The following SH3PXD2A variants were observed in gnomAD, a reference collection of about 807,000 sequenced individuals.
SH3PXD2A encodes the protein SH3 and PX domains 2A.
Under a neutral mutation model 115.2 loss-of-function variants are expected in SH3PXD2A, and 32 were observed. The ratio of observed to expected loss-of-function variants is 0.28; its 90% CI spans 0.21 to 0.37. SH3PXD2A has a LOEUF of 0.37. Ranked by LOEUF, SH3PXD2A falls within the 10% of genes least tolerant of loss-of-function variation. The pLI is 1.00. For missense variants in SH3PXD2A, 1,328 were observed against 1,498.7 expected (o/e 0.89, Z 1.88); for synonymous variants, 610 against 629.1 (o/e 0.97, Z 0.45).
At chr10:103,832,817 A>C (rs2039495620) in intron 1 of SH3PXD2A, among the ~76,000 whole-genome samples, 2 of 152,178 alleles carry the variant, frequency 1.3e-5, no homozygotes, top group Non-Finnish European at 2.9e-5. Context: ...GGTGCAGCAC[A>C]CCAACATGGT....
chr10:103,675,361 A>T (rs1391884593), intron 6 of SH3PXD2A, among the ~76,000 whole-genome samples: 1 of 152,238 alleles, frequency 6.6e-6, no homozygotes, highest in Non-Finnish European at 1.5e-5. Context: ...GTTTGGGGCC[A>T]CTGAGCTAAA....
intron 6 of SH3PXD2A, among the ~76,000 whole-genome samples, chr10:103,671,034 C>G (rs1181822721): frequency 6.6e-6 from 1 of 152,280 alleles, no homozygotes; most frequent in Non-Finnish European, 1.5e-5. Flanking sequence ...CTCCATGCCA[C>G]TCTCCACTTC....
At chr10:103,802,129 G>A (rs1570220) in intron 1 of SH3PXD2A, among the ~76,000 whole-genome samples, 83,593 of 152,064 alleles carry the variant, frequency 0.55, 24,348 homozygotes, top group South Asian at 0.69. Flanking sequence ...TTGAGGGCTC[G>A]GATGTTTACA....
At chr10:103,704,747 G>A (rs762068299) in intron 5 of SH3PXD2A, among the ~76,000 whole-genome samples, 1 of 152,192 alleles carries the variant, frequency 6.6e-6, no homozygotes. Flanking sequence ...CGGCCTGGGG[G>A]CTTCCCCAGG....
intron 7 of SH3PXD2A, among the ~76,000 whole-genome samples, chr10:103,667,477 GA>G (rs2037398782): frequency 6.6e-6 from 1 of 152,180 alleles, no homozygotes; most frequent in East Asian, 1.9e-4. Context: ...GTGGAGAGGG[GA>G]AAAAGGGACA....
In SH3PXD2A at chr10:103,599,631, GCT is replaced by G. The variant is rs1391709619; in HGVS notation, c.*2183_*2184del. The G allele has an allele frequency of 6.6e-6, 1 of 152,488 alleles. No individual in the cohort carries two copies. The highest frequency in any genetic ancestry group is 2.4e-5 in the African/African-American group (1 of 41,394). The allele number at this position is 152,488 out of a possible 1,614,324, so 9.4% of individuals were successfully genotyped here. A position where few individuals can be genotyped will look rare whatever the true frequency, so the allele number is the denominator to read the frequency against. ...ACTGCATCTTTAAGTAATGCACTTT[GCT>G]CTCTGGGTTTTTTCCATTCTACCTT... On this transcript the variant is annotated 3_prime_UTR_variant, in exon 15 of 15. Transcript: ENST00000369774.
intron 4 of SH3PXD2A, among the ~76,000 whole-genome samples, chr10:103,734,472 G>A (rs1465090381): frequency 6.6e-6 from 1 of 152,200 alleles, no homozygotes; most frequent in Non-Finnish European, 1.5e-5. Context: ...AATATGGCTG[G>A]GTGCGGTGGC....
chr10:103,688,752 T>G (rs535026013), intron 6 of SH3PXD2A, among the ~76,000 whole-genome samples: 2 of 152,126 alleles, frequency 1.3e-5, no homozygotes, highest in Non-Finnish European at 2.9e-5. Context: ...ACACAAGCTC[T>G]GTGAGCCAGG....
At chr10:103,660,910 G>T in intron 8 of SH3PXD2A, 73 bp downstream of exon 8, 1 of 1,504,252 alleles carries the variant, frequency 6.6e-7, no homozygotes. Context: ...GGGGAGGAGG[G>T]AGGAACAAAA....
intron 4 of SH3PXD2A, among the ~76,000 whole-genome samples, chr10:103,730,270 A>ATTT (rs1036527606): frequency 1.5e-5 from 1 of 68,778 alleles, no homozygotes; most frequent in Admixed American, 1.6e-4. Context: ...CTGCACACTG[A>ATTT]TTTTTTTTGT....
rs2037949924 is a variant in SH3PXD2A at position 103,703,883 on chromosome 10, CTG to C, written c.399-10829_399-10828del. Reference sequence around the variant, plus strand: ...TGTGCATGTGTGTGTATGTGTCTCTCTGTGTGTGTGTAGCTGCCTAGGTTCAA... The same window carrying C: ...TGTGCATGTGTGTGTATGTGTCTCTCTGTGTGTGTAGCTGCCTAGGTTCAA... On this transcript the variant is annotated intron_variant, in intron 5 of 14. Coordinates refer to ENST00000369774, the MANE Select transcript of SH3PXD2A (RefSeq NM_001394015.1). Among the ~76,000 whole-genome samples the C allele has an allele frequency of 2.0e-5, 3 of 152,236 alleles. No homozygotes were observed. In the South Asian group the frequency reaches 6.2e-4, roughly 32 times the overall value.
In SH3PXD2A at chr10:103,618,736, G is replaced by A. The variant is rs533926517; in HGVS notation, c.803-1422C>T. Among the ~76,000 whole-genome samples, 41 of 152,332 alleles carry A rather than the reference G, an allele frequency of 2.7e-4. 1 individual carries two copies. In the South Asian group the frequency reaches 8.5e-3, roughly 32 times the overall value. ...ATGCTGGAGCAGACTGCTGGCCTCT[G>A]GTCTCTGGGACACCCACCCCTCCTG... On this transcript the variant is annotated intron_variant, in intron 10 of 14. Coordinates refer to ENST00000369774, the MANE Select transcript of SH3PXD2A (RefSeq NM_001394015.1).
intron 1 of SH3PXD2A, among the ~76,000 whole-genome samples, chr10:103,829,052 C>T (rs1269659967): frequency 6.6e-6 from 1 of 152,202 alleles, no homozygotes; most frequent in Non-Finnish European, 1.5e-5. Context: ...TGGGAAGTTC[C>T]ATGCTGCTGG....
intron 8 of SH3PXD2A, among the ~76,000 whole-genome samples, chr10:103,639,632 AG>A (rs1564851288): frequency 2.3e-5 from 2 of 86,070 alleles, no homozygotes; most frequent in Admixed American, 1.2e-4. Flanking sequence ...AAAAAGAAAA[AG>A]AAAAAAAAAA....
chr10:103,812,686 G>T (rs1207574265), intron 1 of SH3PXD2A, among the ~76,000 whole-genome samples: 1 of 152,082 alleles, frequency 6.6e-6, no homozygotes, highest in Non-Finnish European at 1.5e-5. Flanking sequence ...GCCAGCAGCC[G>T]CCTCCACACA....
chr10:103,610,345 G>GT (rs1386034845), intron 13 of SH3PXD2A, among the ~76,000 whole-genome samples: 1 of 152,236 alleles, frequency 6.6e-6, no homozygotes, highest in Non-Finnish European at 1.5e-5. Context: ...CCCACATTTG[G>GT]TAAGTGTGGA....
At chr10:103,827,444 T>C (rs1466241373) in intron 1 of SH3PXD2A, among the ~76,000 whole-genome samples, 1 of 152,136 alleles carries the variant, frequency 6.6e-6, no homozygotes, top group African/African-American at 2.4e-5. Context: ...GAAAGACATG[T>C]GGGTTCAGGC....
At chr10:103,696,733 A>AAAGGC (rs1394469001) in intron 5 of SH3PXD2A, among the ~76,000 whole-genome samples, 2 of 152,150 alleles carry the variant, frequency 1.3e-5, no homozygotes, top group African/African-American at 4.8e-5. Flanking sequence ...ATGTAATTGA[A>AAAGGC]AAGGCCTCCC....
intron 3 of SH3PXD2A, among the ~76,000 whole-genome samples, chr10:103,742,366 T>C (rs1034396103): frequency 1.3e-5 from 2 of 152,188 alleles, no homozygotes; most frequent in African/African-American, 2.4e-5. Context: ...CATGCCTGTG[T>C]CCCACATCTC....
Sources: allele counts gnomAD v4.1 joint callset (sites outside exome capture counted in the v4.1 genomes callset), GRCh38; gene constraint gnomAD v4.1.1; transcripts MANE v1.5; gene names NCBI Gene and HGNC (gene_info 2026-07-23, HGNC 2026-07-21).